LRBA: variants seen among roughly 807,000 people sequenced by gnomAD.
The protein encoded by LRBA is LPS responsive beige-like anchor protein.
Under a neutral mutation model 330.0 loss-of-function variants are expected in LRBA, and 176 were observed. The ratio of observed to expected loss-of-function variants is 0.53; its 90% CI spans 0.47 to 0.60. The LOEUF is 0.60. Among genes scored for constraint, LRBA ranks in the 20% least tolerant of loss-of-function variants. The pLI is 0.00. For synonymous variants in LRBA, 1,230 were observed against 1,193.0 expected (o/e 1.03, Z -0.64); for missense variants, 3,259 against 3,444.8 (o/e 0.95, Z 1.35).
At position 150,723,547 on chromosome 4, in the gene LRBA, A is replaced by T. The variant is rs534966860; in HGVS notation, c.5754+11711T>A. ...ATTAAAGAACTCTTGGGCCCTGAATAACCAGCAGTGATAACGAAGGGAATA... is the reference window on the plus strand; with the variant it reads ...ATTAAAGAACTCTTGGGCCCTGAATTACCAGCAGTGATAACGAAGGGAATA... On this transcript the variant is annotated intron_variant, in intron 36 of 56. Coordinates refer to ENST00000651943, the MANE Select transcript of LRBA (RefSeq NM_001364905.1). 2.2e-4 allele frequency among the ~76,000 whole-genome samples: 34 copies of T among 152,312 alleles called. No individual in the cohort carries two copies. In the South Asian group the frequency reaches 6.6e-3, roughly 30 times the overall value.
At chr4:150,716,578 A>G (rs1201345704) in intron 36 of LRBA, among the ~76,000 whole-genome samples, 1 of 152,208 alleles carries the variant, frequency 6.6e-6, no homozygotes, top group Non-Finnish European at 1.5e-5. Context: ...TAAATTTTCT[A>G]TATTAAAAAA....
intron 37 of LRBA, among the ~76,000 whole-genome samples, chr4:150,605,890 A>G (rs1334744315): frequency 6.6e-6 from 1 of 152,204 alleles, no homozygotes; most frequent in Non-Finnish European, 1.5e-5. Flanking sequence ...AGGACAAACA[A>G]AAACAAAAAC....
At chr4:150,351,148 T>C (rs1488088333) in intron 47 of LRBA, among the ~76,000 whole-genome samples, 1 of 152,214 alleles carries the variant, frequency 6.6e-6, no homozygotes, top group African/African-American at 2.4e-5. Flanking sequence ...ATCATTATAT[T>C]CCCAGCTACA....
At chr4:150,685,420 A>ATATATT (rs1561514146) in intron 36 of LRBA, among the ~76,000 whole-genome samples, 2 of 17,440 alleles carry the variant, frequency 1.1e-4, no homozygotes, top group African/African-American at 2.4e-4. Flanking sequence ...ATATATATAT[A>ATATATT]TTTTTTTTTT....
chr4:150,953,805 G>A (rs1038831079), intron 2 of LRBA, among the ~76,000 whole-genome samples: 6 of 149,834 alleles, frequency 4.0e-5, no homozygotes, highest in East Asian at 4.0e-4. Flanking sequence ...AGTGAGAAGC[G>A]TCTCTGCCCG....
intron 47 of LRBA, among the ~76,000 whole-genome samples, chr4:150,401,254 G>C (rs890070764): frequency 6.6e-6 from 1 of 152,240 alleles, no homozygotes; most frequent in Non-Finnish European, 1.5e-5. Flanking sequence ...AAAGCCTCCA[G>C]TACTGTCAGA....
intron 45 of LRBA, 63 bp downstream of exon 45, chr4:150,436,661 T>C: frequency 7.0e-7 from 1 of 1,418,790 alleles, no homozygotes. Context: ...AGTTCTAATT[T>C]TTGCATATCC....
intron 40 of LRBA, among the ~76,000 whole-genome samples, chr4:150,568,466 T>G (rs1769430685): frequency 6.6e-6 from 1 of 152,176 alleles, no homozygotes; most frequent in African/African-American, 2.4e-5. Flanking sequence ...TCCTTCTTTC[T>G]ATAAATATTT....
intron 31 of LRBA, among the ~76,000 whole-genome samples, chr4:150,809,304 G>A (rs1368962594): frequency 1.3e-5 from 2 of 152,152 alleles, no homozygotes; most frequent in Non-Finnish European, 2.9e-5. Context: ...TTAACACTTG[G>A]TGTCCAGATC....
intron 47 of LRBA, among the ~76,000 whole-genome samples, chr4:150,396,245 AG>A (rs1417486315): frequency 1.3e-5 from 2 of 152,122 alleles, no homozygotes; most frequent in African/African-American, 4.8e-5. Context: ...TAGGCATTAG[AG>A]CTCCTGGTCT....
chr4:150,685,456 A>T (rs1419723130), intron 36 of LRBA, among the ~76,000 whole-genome samples: 1 of 55,578 alleles, frequency 1.8e-5, no homozygotes. Flanking sequence ...TTTTTGAGAC[A>T]GTCTTGCTCT....
At chr4:150,517,057 C>T (rs1762430584) in intron 40 of LRBA, among the ~76,000 whole-genome samples, 1 of 152,028 alleles carries the variant, frequency 6.6e-6, no homozygotes, top group Admixed American at 6.5e-5. Context: ...GTTGACTTGG[C>T]TGGATATCCA....
At chr4:150,404,287 T>C (rs767145425) in intron 47 of LRBA, among the ~76,000 whole-genome samples, 2 of 152,206 alleles carry the variant, frequency 1.3e-5, no homozygotes. Flanking sequence ...ATCAGCCATC[T>C]GCACAATACC....
At chr4:150,928,358 T>G (rs182529162) in intron 4 of LRBA, among the ~76,000 whole-genome samples, 158 bp downstream of exon 4, 8 of 152,368 alleles carry the variant, frequency 5.3e-5, no homozygotes, top group Admixed American at 5.2e-4. Flanking sequence ...AGTGTCCAAG[T>G]ATGGCACGAG....
At position 150,455,513 on chromosome 4, in the gene LRBA, T is replaced by C. The variant is rs1023697151; in HGVS notation, c.6780+12160A>G. Among the ~76,000 whole-genome samples the C allele has an allele frequency of 3.3e-5, 5 of 152,190 alleles. No individual in the cohort carries two copies. The South Asian group carries it at 1.0e-3, about 32-fold the overall frequency. On this transcript the variant is annotated intron_variant, in intron 44 of 56. Transcript: ENST00000651943. ...TGGATGAAATTGGAAATCATCATTCTCAATGTTTTTTAATTTTTAATTTTT... is the reference window on the plus strand; with the variant it reads ...TGGATGAAATTGGAAATCATCATTCCCAATGTTTTTTAATTTTTAATTTTT...
Position 150,899,960 on chromosome 4 carries a change from A to G in LRBA, c.1924+89T>C, listed in dbSNP as rs930892205. 15 of 927,792 alleles carry G rather than the reference A, an allele frequency of 1.6e-5. No individual in the cohort carries two copies. The African/African-American group carries it at 2.5e-4, about 16-fold the overall frequency. The allele number at this position is 927,792 out of a possible 1,614,324, so 57.5% of individuals were successfully genotyped here. ...TAATGGAATATAGAAAAACTGCCCA[A>G]ATATATGATAGTACTGGTTAAAACA... On this transcript the variant is annotated intron_variant, in intron 14 of 56. Transcript: ENST00000651943.
intron 16 of LRBA, among the ~76,000 whole-genome samples, chr4:150,895,390 G>A (rs552027163): frequency 2.0e-5 from 3 of 151,928 alleles, no homozygotes; most frequent in Admixed American, 6.5e-5. Flanking sequence ...CCATTAACTC[G>A]TCATTTAACA....
At chr4:150,293,842 G>A (rs1728635873) in intron 53 of LRBA, among the ~76,000 whole-genome samples, 1 of 152,200 alleles carries the variant, frequency 6.6e-6, no homozygotes, top group African/African-American at 2.4e-5. Flanking sequence ...TGAAGACAAC[G>A]AGGATGAAGA....
Position 150,454,375 on chromosome 4 carries a change from A to C in LRBA, c.6780+13298T>G, listed in dbSNP as rs75992862. Among the ~76,000 whole-genome samples, 1,202 of 152,216 alleles carry C rather than the reference A, an allele frequency of 7.9e-3. 17 individuals are homozygous for C. The highest frequency in any genetic ancestry group is 0.027 in the African/African-American group (1,141 of 41,534). On this transcript the variant is annotated intron_variant, in intron 44 of 56. Transcript: ENST00000651943. Reference sequence around the variant, plus strand: ...GAATTCTAAAAAGATGCCCTAAAGAAGGCAATATCTCAAGTTTATAAAGAC... The same window carrying C: ...GAATTCTAAAAAGATGCCCTAAAGACGGCAATATCTCAAGTTTATAAAGAC...
Sources: allele counts gnomAD v4.1 joint callset (sites outside exome capture counted in the v4.1 genomes callset), GRCh38; gene constraint gnomAD v4.1.1; transcripts MANE v1.5; gene names NCBI Gene and HGNC (gene_info 2026-07-23, HGNC 2026-07-21).